The following PPP3CA variants were observed in gnomAD, a reference collection of about 807,000 sequenced individuals.
The protein encoded by PPP3CA is protein phosphatase 3 catalytic subunit alpha.
PPP3CA carries 14 observed loss-of-function variants against 66.5 expected under a neutral mutation model. That is an observed-to-expected ratio of 0.21 (90% CI 0.14 to 0.33). The LOEUF is 0.33. Among genes scored for constraint, PPP3CA ranks in the 10% least tolerant of loss-of-function variants. The pLI, the probability that PPP3CA is intolerant of heterozygous loss-of-function variation, is 1.00. For synonymous variants in PPP3CA, 232 were observed against 226.2 expected, an observed-to-expected ratio of 1.03 and a Z score of -0.23; for missense variants, 317 against 639.5, an observed-to-expected ratio of 0.50 and a Z score of 5.44.
chr4:101,263,313 A>G (rs1727063578), intron 1 of PPP3CA, among the ~76,000 whole-genome samples: 1 of 152,208 alleles, frequency 6.6e-6, no homozygotes, highest in Non-Finnish European at 1.5e-5. Flanking sequence ...ACAAAAAACT[A>G]CTGCTTAGAC....
intron 11 of PPP3CA, among the ~76,000 whole-genome samples, chr4:101,036,958 G>T (rs1048123593): frequency 6.6e-6 from 1 of 152,132 alleles, no homozygotes; most frequent in African/African-American, 2.4e-5. Flanking sequence ...TATAGGTAAG[G>T]GTTCTCACAG....
At chr4:101,081,054 C>T (rs1054823073) in intron 7 of PPP3CA, among the ~76,000 whole-genome samples, 2 of 152,086 alleles carry the variant, frequency 1.3e-5, no homozygotes, top group African/African-American at 2.4e-5. Flanking sequence ...CCACTAATAA[C>T]CAGGCCAATT....
chr4:101,035,317 T>A (rs1560572073), intron 11 of PPP3CA, among the ~76,000 whole-genome samples: 1 of 145,050 alleles, frequency 6.9e-6, no homozygotes, highest in African/African-American at 2.7e-5. Context: ...ATGGGACTCA[T>A]CAAAAAAAAC....
intron 2 of PPP3CA, among the ~76,000 whole-genome samples, chr4:101,186,077 T>G (rs1011233661): frequency 1.3e-5 from 2 of 152,204 alleles, no homozygotes; most frequent in South Asian, 4.1e-4. Flanking sequence ...TGACGCATGA[T>G]CCTTTAACTT....
rs1560605247 is a variant in PPP3CA at position 101,106,463 on chromosome 4, A to AGAAGAGAAGAGAAG, written c.384+2490_384+2491insCTTCTCTTCTCTTC. 1.3e-3 allele frequency among the ~76,000 whole-genome samples: 43 copies of AGAAGAGAAGAGAAG among 33,768 alleles called. 4 individuals are homozygous for AGAAGAGAAGAGAAG. Among genetic ancestry groups the AGAAGAGAAGAGAAG allele is most frequent in the African/African-American group, 1.7e-3 (10 of 5,734 alleles). The allele number at this position is 33,768 out of a possible 152,430, so 22.2% of individuals were successfully genotyped here. A position where few individuals can be genotyped will look rare whatever the true frequency, so the allele number is the denominator to read the frequency against. ...AAAGAAAGAAAGAAAGAGAAAAGAA[A>AGAAGAGAAGAGAAG]AGAAAAGAAAAGAAAAGAAAAGAAA... On this transcript the variant is annotated intron_variant, in intron 3 of 13. Transcript: ENST00000394854.
At chr4:101,124,765 A>G (rs1722183465) in intron 2 of PPP3CA, among the ~76,000 whole-genome samples, 1 of 129,442 alleles carries the variant, frequency 7.7e-6, no homozygotes, top group South Asian at 2.6e-4. Flanking sequence ...GAAAGAAAGA[A>G]AGAAAGAAAG....
At chr4:101,032,385 C>A in intron 11 of PPP3CA, 21 bp from the exon 12 acceptor site, 2 of 1,579,662 alleles carry the variant, frequency 1.3e-6, no homozygotes, top group Non-Finnish European at 1.7e-6. Flanking sequence ...CAATGAGGGG[C>A]GACATTAACT....
intron 11 of PPP3CA, among the ~76,000 whole-genome samples, chr4:101,037,251 T>A (rs1251358231): frequency 6.6e-6 from 1 of 152,196 alleles, no homozygotes; most frequent in Non-Finnish European, 1.5e-5. Flanking sequence ...GGACAATTGT[T>A]GTCCTGCCTT....
intron 2 of PPP3CA, among the ~76,000 whole-genome samples, chr4:101,151,489 G>A (rs1723135915): frequency 6.6e-6 from 1 of 150,742 alleles, no homozygotes; most frequent in Non-Finnish European, 1.5e-5. Context: ...AACCCGGGAG[G>A]TGGAGGTTGC....
intron 1 of PPP3CA, among the ~76,000 whole-genome samples, chr4:101,237,564 C>T (rs1726167442): frequency 6.6e-6 from 1 of 152,038 alleles, no homozygotes; most frequent in South Asian, 2.1e-4. Flanking sequence ...TGCTCTTTAG[C>T]TTCTTACTCT....
At chr4:101,102,412 T>C (rs892642875) in intron 3 of PPP3CA, among the ~76,000 whole-genome samples, 2 of 152,130 alleles carry the variant, frequency 1.3e-5, no homozygotes, top group African/African-American at 4.8e-5. Context: ...TAAAAATAAG[T>C]CTTCTTTTCA....
At chr4:101,094,402 A>G (rs902477619) in intron 5 of PPP3CA, among the ~76,000 whole-genome samples, 4 of 152,196 alleles carry the variant, frequency 2.6e-5, no homozygotes, top group African/African-American at 7.2e-5. Flanking sequence ...CCTAGTTTTC[A>G]TGCTTATGTT....
intron 3 of PPP3CA, among the ~76,000 whole-genome samples, chr4:101,105,361 T>G (rs1219909640): frequency 6.6e-6 from 1 of 151,844 alleles, no homozygotes; most frequent in African/African-American, 2.4e-5. Flanking sequence ...AAGATGGAGT[T>G]TCACCATGTT....
intron 1 of PPP3CA, 123 bp downstream of exon 1, chr4:101,346,616 T>C (rs1393228113): frequency 1.3e-5 from 11 of 841,068 alleles, no homozygotes; most frequent in Non-Finnish European, 1.9e-5. Context: ...TCCTAGAAGG[T>C]CCGCGGCTGG....
At chr4:101,341,781 C>A (rs1186233594) in intron 1 of PPP3CA, among the ~76,000 whole-genome samples, 2 of 152,114 alleles carry the variant, frequency 1.3e-5, no homozygotes, top group African/African-American at 4.8e-5. Context: ...ACTGCTACAT[C>A]AGAAAGTTGC....
intron 12 of PPP3CA, among the ~76,000 whole-genome samples, chr4:101,031,198 G>GAAGT (rs1726940622): frequency 6.6e-6 from 1 of 152,080 alleles, no homozygotes; most frequent in African/African-American, 2.4e-5. Flanking sequence ...TCTTCATGTA[G>GAAGT]AAGTTTATTG....
At chr4:101,329,310 T>C (rs988863124) in intron 1 of PPP3CA, among the ~76,000 whole-genome samples, 1 of 151,314 alleles carries the variant, frequency 6.6e-6, no homozygotes, top group Admixed American at 6.6e-5. Flanking sequence ...GCCAAGACCC[T>C]AACTCTCTTC....
intron 1 of PPP3CA, among the ~76,000 whole-genome samples, chr4:101,219,459 T>TA (rs1560665013): frequency 6.6e-6 from 1 of 151,914 alleles, no homozygotes; most frequent in Non-Finnish European, 1.5e-5. Flanking sequence ...TTAATCTCTT[T>TA]AAAAATAACT....
At chr4:101,235,406 A>G (rs1726094372) in intron 1 of PPP3CA, among the ~76,000 whole-genome samples, 2 of 144,190 alleles carry the variant, frequency 1.4e-5, no homozygotes, top group African/African-American at 5.2e-5. Flanking sequence ...ATGAGCATAA[A>G]CAATATCAGA....
Sources: allele counts gnomAD v4.1 joint callset (sites outside exome capture counted in the v4.1 genomes callset), GRCh38; gene constraint gnomAD v4.1.1; transcripts MANE v1.5; gene names NCBI Gene and HGNC (gene_info 2026-07-23, HGNC 2026-07-21).